Variants in SGK1 observed in about 807,000 individuals in gnomAD.
The protein encoded by SGK1 is serum/glucocorticoid regulated kinase 1, also known as serine/threonine-protein kinase Sgk1.
A neutral mutation model predicts 64.2 loss-of-function variants in SGK1; 26 were observed. That is an observed-to-expected ratio of 0.40 (90% CI 0.30 to 0.56). The LOEUF (loss-of-function observed/expected upper bound fraction) is 0.56. Among genes scored for constraint, SGK1 ranks in the 20% least tolerant of loss-of-function variants. The probability of loss-of-function intolerance (pLI) is 0.38; values close to 1 mark genes in which losing one functional copy is unlikely to be tolerated. For synonymous variants in SGK1, 265 were observed against 239.7 expected (o/e 1.11, Z -0.98); for missense variants, 519 against 645.6 (o/e 0.80, Z 2.12).
chr6:134,232,045 A>C (rs1346865562), intron 2 of SGK1, among the ~76,000 whole-genome samples: 2 of 151,706 alleles, frequency 1.3e-5, no homozygotes, highest in Admixed American at 1.3e-4. Context: ...TCTCAAAAAA[A>C]AAAAAAAAAT....
intron 2 of SGK1, among the ~76,000 whole-genome samples, chr6:134,245,911 A>G (rs534316486): frequency 5.3e-5 from 8 of 152,334 alleles, no homozygotes; most frequent in East Asian, 1.9e-4. Flanking sequence ...CACTTGTTCT[A>G]TAAGAGTTAC....
chr6:134,175,823 T>G, intron 3 of SGK1: 1 of 1,273,296 alleles, frequency 7.9e-7, no homozygotes, highest in East Asian at 3.2e-5. Context: ...CGAAAACGCC[T>G]TTTTTGTGCT....
At chr6:134,226,832 C>T (rs777052285) in intron 2 of SGK1, among the ~76,000 whole-genome samples, 15 of 151,538 alleles carry the variant, frequency 9.9e-5, no homozygotes, top group Admixed American at 9.9e-4. Context: ...ACTGCAGGCT[C>T]ATGCCACCAT....
At chr6:134,202,376 G>C (rs1239068849) in intron 3 of SGK1, among the ~76,000 whole-genome samples, 1 of 152,168 alleles carries the variant, frequency 6.6e-6, no homozygotes, top group African/African-American at 2.4e-5. Context: ...AGGCGCGGTG[G>C]CTCACTCCTG....
chr6:134,297,574 C>G (rs1777379332), intron 1 of SGK1: 8 of 498,576 alleles, frequency 1.6e-5, no homozygotes, highest in Non-Finnish European at 2.3e-5. Flanking sequence ...ACGATCTCGG[C>G]TCACTGCAAG....
Position 134,173,563 on chromosome 6 carries a change from T to A in SGK1, c.517A>T (p.Ser173Cys). Reference sequence around the variant, plus strand: ...CCAAGGTTGATTTGCTGAGAAGGACTTGGCTAGAAAAAAAAAAAAAGAATT... The same window carrying A: ...CCAAGGTTGATTTGCTGAGAAGGACATGGCTAGAAAAAAAAAAAAAGAATT... ...LMNANPSPPP[S>C]PSQQINLGPS... Residue 173 changes from serine to cysteine, a missense_variant, in exon 6 of 14, where the codon AGT (serine) becomes TGT (cysteine). This residue lies in a region of SGK1 where 241 missense variants were observed against 236.9 expected (regional missense o/e 1.02). Transcript: ENST00000367858. The A allele has an allele frequency of 6.3e-7, 1 of 1,586,574 alleles. No homozygotes were observed. Among genetic ancestry groups the A allele is most frequent in the Non-Finnish European group, 8.6e-7 (1 of 1,169,542 alleles).
chr6:134,207,054 T>C (rs1456351604), intron 3 of SGK1, among the ~76,000 whole-genome samples: 1 of 151,462 alleles, frequency 6.6e-6, no homozygotes, highest in Non-Finnish European at 1.5e-5. Context: ...TGAAACACCA[T>C]CTCTACTAAA....
chr6:134,171,742 A>G lies in SGK1; in HGVS notation c.1072-10T>C. 1.3e-6 allele frequency: 2 copies of G among 1,589,096 alleles called. No homozygotes were observed. The highest frequency in any genetic ancestry group is 1.7e-6 in the Non-Finnish European group (2 of 1,157,564). On this transcript the variant is annotated splice_polypyrimidine_tract_variant and intron_variant, in intron 10 of 13. Coordinates refer to ENST00000367858, the MANE Select transcript of SGK1 (RefSeq NM_001143676.3). ...CCTCAGGTGCGAGATACTGAAAAAC[A>G]GACCAGGGAAACAGCGTTTAGAACC... is the stretch of plus-strand genomic sequence containing the variant.
intron 3 of SGK1, among the ~76,000 whole-genome samples, chr6:134,201,235 T>A (rs895907467): frequency 1.3e-5 from 2 of 151,240 alleles, no homozygotes; most frequent in African/African-American, 4.9e-5. Flanking sequence ...TAATTTTTTG[T>A]ATTTTTAGTA....
chr6:134,233,995 T>A (rs1776327560), intron 2 of SGK1, among the ~76,000 whole-genome samples: 1 of 152,222 alleles, frequency 6.6e-6, no homozygotes. Flanking sequence ...CATAGTAAAA[T>A]AACCTTTATT....
At chr6:134,209,959 G>A (rs1274005139) in intron 2 of SGK1, among the ~76,000 whole-genome samples, 1 of 152,220 alleles carries the variant, frequency 6.6e-6, no homozygotes, top group Non-Finnish European at 1.5e-5. Context: ...TTACAGGCAT[G>A]AGCCACCGTG....
chr6:134,173,508 G>A lies in SGK1; in HGVS notation c.572C>T (p.Ser191Phe). Residue 191 changes from serine to phenylalanine, a missense_variant, in exon 6 of 14, where the codon TCT becomes TTT. This residue lies in a region of SGK1 where 241 missense variants were observed against 236.9 expected (regional missense o/e 1.02). Transcript: ENST00000367858. ...GATCACTTTCAAGAAGTGAAAGTCA[G>A]ATGGTTTAGCATGAGGATTGGACGA... ...GPSSNPHAKPSDFHFLKVIGK... is the reference protein window; with the variant it reads ...GPSSNPHAKPFDFHFLKVIGK... 6.2e-7 allele frequency: 1 copy of A among 1,613,160 alleles called. No individual in the cohort carries two copies. Among genetic ancestry groups the A allele is most frequent in the Non-Finnish European group, 8.5e-7 (1 of 1,179,790 alleles).
chr6:134,232,421 A>AAGAGAGAGAGAGAGAGAGAG lies in SGK1; in HGVS notation c.286-24991_286-24990insCTCTCTCTCTCTCTCTCTCT, dbSNP rs762251415. ...GAAGAAAAAGAAAGAAAGAGAAAGA[A>AAGAGAGAGAGAGAGAGAGAG]AGAAAGAAAGAAAGAAAGAAAGAAA... On this transcript the variant is annotated intron_variant, in intron 2 of 13. Transcript: ENST00000367858. Among the ~76,000 whole-genome samples the AAGAGAGAGAGAGAGAGAGAG allele has an allele frequency of 4.3e-4, 19 of 44,444 alleles. 1 individual carries two copies. Among genetic ancestry groups the AAGAGAGAGAGAGAGAGAGAG allele is most frequent in the African/African-American group, 1.5e-3 (19 of 12,268 alleles). The allele number at this position is 44,444 out of a possible 152,430, so 29.2% of individuals were successfully genotyped here.
Position 134,171,666 on chromosome 6 carries a change from C to G in SGK1, c.1138G>C (p.Ala380Pro). Residue 380 changes from alanine to proline, a missense_variant, in exon 11 of 14, where the codon GCT becomes CCT. By Grantham distance (27) the Ala-to-Pro change is conservative. This residue lies in a region of SGK1 where 278 missense variants were observed against 408.7 expected (regional missense o/e 0.68). Transcript: ENST00000367858. ...DRTVDWWCLG[A>P]VLYEMLYGLP... The stretch of plus-strand genomic sequence containing the variant: ...CCATACAGCATCTCATACAAGACAG[C>G]TCCCAGGCACCACCAGTCCACAGTC... The G allele has an allele frequency of 6.2e-7, 1 of 1,613,962 alleles. No homozygotes were observed. The highest frequency in any genetic ancestry group is 8.5e-7 in the Non-Finnish European group (1 of 1,179,836).
chr6:134,238,520 T>C (rs527901450), intron 2 of SGK1, among the ~76,000 whole-genome samples: 2 of 152,188 alleles, frequency 1.3e-5, no homozygotes, highest in South Asian at 4.1e-4. Flanking sequence ...TGAACTGACA[T>C]AAAACTTTTT....
Position 134,285,532 on chromosome 6 carries a change from AT to A in SGK1, c.70-23385del, listed in dbSNP as rs370972130. On this transcript the variant is annotated intron_variant, in intron 1 of 13. Transcript: ENST00000367858. ...TTTCACCACATCCGCACCAGCATCAATTTTTTTTTTTTTTTACTTTTTCATA... is the reference window on the plus strand; with the variant it reads ...TTTCACCACATCCGCACCAGCATCAATTTTTTTTTTTTTTACTTTTTCATA... 2.1e-3 allele frequency among the ~76,000 whole-genome samples: 292 copies of A among 139,382 alleles called. 1 individual carries two copies. Among genetic ancestry groups the A allele is most frequent in the Middle Eastern group, 7.2e-3 (2 of 276 alleles). 91.4% of individuals were successfully genotyped at this position (139,382 alleles called of 152,430 possible). A position where few individuals can be genotyped will look rare whatever the true frequency, so the allele number is the denominator to read the frequency against.
chr6:134,174,761 C>G (rs1414288034), intron 3 of SGK1, 175 bp from the exon 4 acceptor site: 3 of 1,614,086 alleles, frequency 1.9e-6, no homozygotes, highest in Non-Finnish European at 1.7e-6. Context: ...GCCCCTCATC[C>G]TGGAGTAAGT....
chr6:134,300,924 G>A (rs74883166), intron 1 of SGK1, among the ~76,000 whole-genome samples: 3,674 of 152,134 alleles, frequency 0.024, 67 homozygotes, highest in East Asian at 0.082. Context: ...GTGAGCCACC[G>A]CGCCTGGCCA....
chr6:134,171,649 C>T lies in SGK1; in HGVS notation c.1155G>A (p.Met385Ile), dbSNP rs758571552. ...ATGTGCCACTCACCAGGCCATACAG[C>T]ATCTCATACAAGACAGCTCCCAGGC... ...WWCLGAVLYE[M>I]LYGLPPFYSR... is the part of the protein sequence containing the mutation. Residue 385 changes from methionine to isoleucine, a missense_variant, in exon 11 of 14, where the codon ATG (methionine) becomes ATA (isoleucine). Physicochemically the swap from Met to Ile is conservative, Grantham distance 10 (BLOSUM62 1). This residue lies in a region of SGK1 where 278 missense variants were observed against 408.7 expected (regional missense o/e 0.68). Coordinates refer to ENST00000367858, the MANE Select transcript of SGK1 (RefSeq NM_001143676.3). 4 of 1,612,678 alleles carry T rather than the reference C, an allele frequency of 2.5e-6. No individual in the cohort carries two copies. Among genetic ancestry groups the T allele is most frequent in the African/African-American group, 2.7e-5 (2 of 74,900 alleles).
Sources: gnomAD v4.1 joint callset for allele counts (sites outside exome capture counted in the v4.1 genomes callset) on GRCh38, gnomAD v4.1.1 for gene constraint, gnomAD v4.1.1 regional missense constraint, MANE v1.5 for transcripts, NCBI Gene and HGNC (gene_info 2026-07-23, HGNC 2026-07-21) for gene names.